The following CELF4 variants were observed in gnomAD, a reference collection of about 807,000 sequenced individuals.
CELF4 encodes CUG-BP- and ETR-3-like factor 4.
A neutral mutation model predicts 59.9 loss-of-function variants in CELF4; 18 were observed. That is an observed-to-expected ratio of 0.30 (90% CI 0.21 to 0.45). The LOEUF is 0.45. Among genes scored for constraint, CELF4 ranks in the 20% least tolerant of loss-of-function variants. The pLI, the probability that CELF4 is intolerant of heterozygous loss-of-function variation, is 1.00. For missense variants in CELF4, 456 were observed against 689.0 expected (o/e 0.66, Z 3.79); for synonymous variants, 261 against 267.1 (o/e 0.98, Z 0.22).
At chr18:37,463,738 C>G (rs2099800072) in intron 2 of CELF4, among the ~76,000 whole-genome samples, 1 of 152,172 alleles carries the variant, frequency 6.6e-6, no homozygotes, top group African/African-American at 2.4e-5. Flanking sequence ...CAGCCCCAAC[C>G]TTGCTCAGTG....
rs1274126091 is a variant in CELF4 at position 37,319,471 on chromosome 18, G to A, written c.448+2332C>T. Among the ~76,000 whole-genome samples, 4 of 152,336 alleles carry A rather than the reference G, an allele frequency of 2.6e-5. 1 individual carries two copies. The highest frequency in any genetic ancestry group is 9.6e-5 in the African/African-American group (4 of 41,578). On this transcript the variant is annotated intron_variant, in intron 3 of 12. Transcript: ENST00000420428. ...CCCCAAGACACCAGCCCAAGCCCTA[G>A]TGGGTAGGATCTGAGGTCCGGGTTG...
chr18:37,551,590 G>T (rs1453974745), intron 1 of CELF4, among the ~76,000 whole-genome samples: 1 of 152,218 alleles, frequency 6.6e-6, no homozygotes, highest in Non-Finnish European at 1.5e-5. Context: ...GGTGCAGGAA[G>T]ATTCCAGCCC....
chr18:37,261,160 A>C (rs1361546918), intron 10 of CELF4, among the ~76,000 whole-genome samples: 1 of 151,924 alleles, frequency 6.6e-6, no homozygotes, highest in Admixed American at 6.6e-5. Flanking sequence ...TTTTATGTCT[A>C]GAGGTTTTTC....
At chr18:37,354,063 G>C (rs1318329203) in intron 2 of CELF4, among the ~76,000 whole-genome samples, 1 of 152,064 alleles carries the variant, frequency 6.6e-6, no homozygotes, top group Non-Finnish European at 1.5e-5. Flanking sequence ...CCTGTGGGGG[G>C]ACCAGTTCTT....
intron 8 of CELF4, among the ~76,000 whole-genome samples, chr18:37,268,365 C>A (rs982492877): frequency 6.6e-6 from 1 of 152,216 alleles, no homozygotes; most frequent in African/African-American, 2.4e-5. Context: ...CCTCTGCCAG[C>A]CTCTAAGCTC....
intron 3 of CELF4, among the ~76,000 whole-genome samples, chr18:37,315,556 G>A (rs556216337): frequency 1.4e-4 from 22 of 152,278 alleles, no homozygotes; most frequent in Middle Eastern, 3.4e-3. Flanking sequence ...CTGGGGTTTA[G>A]CCAAAGTGGG....
chr18:37,410,159 G>C (rs556529001), intron 2 of CELF4, among the ~76,000 whole-genome samples: 1 of 152,148 alleles, frequency 6.6e-6, no homozygotes, highest in Non-Finnish European at 1.5e-5. Context: ...GAAGAGCAAA[G>C]CTGGACTCTC....
At chr18:37,507,031 C>T (rs180894346) in intron 1 of CELF4, among the ~76,000 whole-genome samples, 3 of 152,316 alleles carry the variant, frequency 2.0e-5, no homozygotes, top group African/African-American at 4.8e-5. Context: ...GAATTGTTGG[C>T]CTAAAGTCAC....
chr18:37,541,145 A>C (rs139479677), intron 1 of CELF4, among the ~76,000 whole-genome samples: 203 of 152,178 alleles, frequency 1.3e-3, no homozygotes, highest in Non-Finnish European at 2.7e-3. Context: ...TGCCTCTCAA[A>C]TTTATACCTC....
At chr18:37,485,372 C>A (rs2099878809) in intron 2 of CELF4, among the ~76,000 whole-genome samples, 153 bp downstream of exon 2, 1 of 148,536 alleles carries the variant, frequency 6.7e-6, no homozygotes, top group Non-Finnish European at 1.5e-5. Context: ...GGCCGAGAGC[C>A]CAGGGATTTG....
intron 3 of CELF4, among the ~76,000 whole-genome samples, chr18:37,315,330 C>G (rs373518187): frequency 2.0e-5 from 3 of 152,074 alleles, no homozygotes; most frequent in African/African-American, 7.2e-5. Flanking sequence ...AAGATGAGCA[C>G]GGGCAGGTGG....
chr18:37,294,308 A>C (rs932036868), intron 3 of CELF4, among the ~76,000 whole-genome samples: 3 of 152,196 alleles, frequency 2.0e-5, no homozygotes, highest in African/African-American at 7.2e-5. Context: ...TTCTTGATAA[A>C]AATGTTCAAC....
rs1389506229 is a variant in CELF4 at position 37,244,823 on chromosome 18, CCAGCCTGCGTCAGGCGCCCGTGGGCTGG to C, written c.*391_*418del. 1 of 152,652 alleles carries C rather than the reference CCAGCCTGCGTCAGGCGCCCGTGGGCTGG, an allele frequency of 6.6e-6. No individual in the cohort carries two copies. The highest frequency in any genetic ancestry group is 1.5e-5 in the Non-Finnish European group (1 of 68,058). The allele number at this position is 152,652 out of a possible 1,614,324, so 9.5% of individuals were successfully genotyped here. A position where few individuals can be genotyped will look rare whatever the true frequency, so the allele number is the denominator to read the frequency against. On this transcript the variant is annotated 3_prime_UTR_variant, in exon 13 of 13. Coordinates refer to ENST00000420428, the MANE Select transcript of CELF4 (RefSeq NM_020180.4). Reference sequence around the variant, plus strand: ...GACCAGGCCCCACGCACCACTTGCCCCAGCCTGCGTCAGGCGCCCGTGGGCTGGAAAAGCCCCGGGATCGGTAAGCAGC... The same window carrying C: ...GACCAGGCCCCACGCACCACTTGCCCAAAAGCCCCGGGATCGGTAAGCAGC...
At chr18:37,373,758 C>T (rs148560751) in intron 2 of CELF4, among the ~76,000 whole-genome samples, 2,361 of 152,246 alleles carry the variant, frequency 0.016, 24 homozygotes, top group Middle Eastern at 0.031. Context: ...GGAGGCTGTC[C>T]AGGCAGGGCA....
intron 1 of CELF4, among the ~76,000 whole-genome samples, chr18:37,519,048 T>C (rs562895747): frequency 1.1e-4 from 16 of 152,256 alleles, no homozygotes; most frequent in South Asian, 4.2e-4. Context: ...TTGAACCAAG[T>C]AAGATCTGTC....
chr18:37,376,569 G>C (rs1449765652), intron 2 of CELF4, among the ~76,000 whole-genome samples: 2 of 152,214 alleles, frequency 1.3e-5, no homozygotes, highest in African/African-American at 4.8e-5. Context: ...GGGGGCTTGA[G>C]AGAACCCCAG....
intron 2 of CELF4, among the ~76,000 whole-genome samples, chr18:37,407,199 A>G (rs945216370): frequency 6.6e-6 from 1 of 152,206 alleles, no homozygotes; most frequent in Non-Finnish European, 1.5e-5. Flanking sequence ...TAAAGGCACC[A>G]GTGTACATAA....
chr18:37,514,605 C>G (rs543639996), intron 1 of CELF4, among the ~76,000 whole-genome samples: 1 of 152,202 alleles, frequency 6.6e-6, no homozygotes, highest in African/African-American at 2.4e-5. Flanking sequence ...GCTCCCGGTC[C>G]CAAGCCCAAG....
At chr18:37,512,449 T>A (rs1168406573) in intron 1 of CELF4, among the ~76,000 whole-genome samples, 1 of 149,316 alleles carries the variant, frequency 6.7e-6, no homozygotes, top group African/African-American at 2.5e-5. Flanking sequence ...CCTTTTTCCT[T>A]CTTTTCCTTT....
Sources: allele counts gnomAD v4.1 joint callset (sites outside exome capture counted in the v4.1 genomes callset), GRCh38; gene constraint gnomAD v4.1.1; transcripts MANE v1.5; gene names NCBI Gene and HGNC (gene_info 2026-07-23, HGNC 2026-07-21).